The following KIF26B variants were observed in gnomAD, a reference collection of about 807,000 sequenced individuals.
KIF26B encodes the protein kinesin family member 26B.
KIF26B carries 63 observed loss-of-function variants against 151.2 expected under a neutral mutation model. The observed-to-expected ratio is 0.42, with a 90% confidence interval of 0.34 to 0.51. The LOEUF (loss-of-function observed/expected upper bound fraction) is 0.51. Ranked by LOEUF, KIF26B falls within the 20% of genes least tolerant of loss-of-function variation. KIF26B has a pLI of 0.07. For synonymous variants in KIF26B, 1,357 were observed against 1,262.1 expected (o/e 1.08, Z -1.59); for missense variants, 2,813 against 2,913.6 (o/e 0.97, Z 0.79).
intron 10 of KIF26B, among the ~76,000 whole-genome samples, chr1:245,679,855 C>T (rs12041330): frequency 0.47 from 71,333 of 151,888 alleles, 18,870 homozygotes; most frequent in Non-Finnish European, 0.59. Context: ...AAGAGCGGTG[C>T]GGTCCTTCCT....
At chr1:245,484,730 C>T (rs1572086025) in intron 4 of KIF26B, among the ~76,000 whole-genome samples, 1 of 148,298 alleles carries the variant, frequency 6.7e-6, no homozygotes. Context: ...CTTTCCTCCT[C>T]CTCCTTCTCC....
chr1:245,248,771 A>T (rs781410071), intron 2 of KIF26B, among the ~76,000 whole-genome samples: 7 of 152,206 alleles, frequency 4.6e-5, no homozygotes, highest in Admixed American at 4.6e-4. Context: ...ATGTTTGCCA[A>T]TATCTCTGAC....
At chr1:245,543,951 AAAAAAGAAAAAG>A (rs932605886) in intron 5 of KIF26B, among the ~76,000 whole-genome samples, 1 of 152,098 alleles carries the variant, frequency 6.6e-6, no homozygotes, top group Non-Finnish European at 1.5e-5. Context: ...CCATCTCAAT[AAAAAAGAAAAAG>A]AAAAAGAAAA....
intron 5 of KIF26B, among the ~76,000 whole-genome samples, chr1:245,595,845 A>T (rs1249314122): frequency 6.6e-6 from 1 of 151,998 alleles, no homozygotes; most frequent in African/African-American, 2.4e-5. Context: ...TCAGAACTAG[A>T]TATTGATCTA....
At chr1:245,682,022 C>T (rs964340637) in intron 10 of KIF26B, among the ~76,000 whole-genome samples, 4 of 152,188 alleles carry the variant, frequency 2.6e-5, no homozygotes, top group Non-Finnish European at 4.4e-5. Flanking sequence ...GCGGGCGGAT[C>T]GCCTGAGGTC....
At chr1:245,586,909 A>G (rs1231407890) in intron 5 of KIF26B, among the ~76,000 whole-genome samples, 4 of 146,924 alleles carry the variant, frequency 2.7e-5, no homozygotes. Flanking sequence ...AAAAAAAAAA[A>G]CATCAAACAA....
chr1:245,624,722 A>G (rs2043704607), intron 9 of KIF26B, among the ~76,000 whole-genome samples: 1 of 152,124 alleles, frequency 6.6e-6, no homozygotes, highest in Non-Finnish European at 1.5e-5. Context: ...CTTTTGAAAA[A>G]CAAATACTTG....
At chr1:245,650,015 C>T (rs2043997525) in intron 10 of KIF26B, among the ~76,000 whole-genome samples, 1 of 151,756 alleles carries the variant, frequency 6.6e-6, no homozygotes, top group East Asian at 2.1e-4. Flanking sequence ...TTACACAGCA[C>T]AGGCACATTA....
intron 3 of KIF26B, among the ~76,000 whole-genome samples, chr1:245,410,441 T>TTCTC (rs143484603): frequency 2.0e-5 from 3 of 151,370 alleles, no homozygotes; most frequent in East Asian, 1.9e-4. Flanking sequence ...TGTTGTGGGA[T>TTCTC]TCTCTCTCTC....
intron 4 of KIF26B, among the ~76,000 whole-genome samples, chr1:245,524,446 G>A (rs1661193566): frequency 6.6e-6 from 1 of 152,134 alleles, no homozygotes; most frequent in African/African-American, 2.4e-5. Flanking sequence ...TGATTTGTCT[G>A]GAGATACCTA....
At chr1:245,499,244 GAT>G (rs1660571491) in intron 4 of KIF26B, among the ~76,000 whole-genome samples, 1 of 151,340 alleles carries the variant, frequency 6.6e-6, no homozygotes, top group Non-Finnish European at 1.5e-5. Flanking sequence ...GAATAATAGT[GAT>G]GTGTGTGTGT....
At chr1:245,209,424 A>G (rs1165279634) in intron 2 of KIF26B, among the ~76,000 whole-genome samples, 1 of 152,122 alleles carries the variant, frequency 6.6e-6, no homozygotes, top group African/African-American at 2.4e-5. Context: ...AAGAAAAAAA[A>G]TAAAAAAAGA....
At chr1:245,353,554 G>A (rs962566712) in intron 2 of KIF26B, 2 of 152,516 alleles carry the variant, frequency 1.3e-5, no homozygotes, top group African/African-American at 2.4e-5. Context: ...TTCATGAGGT[G>A]GGGGTCTAAG....
intron 4 of KIF26B, among the ~76,000 whole-genome samples, chr1:245,445,509 C>T (rs966090240): frequency 6.0e-4 from 91 of 152,220 alleles, no homozygotes; most frequent in African/African-American, 1.9e-3. Context: ...CATGCATGTG[C>T]GCACGTGGGG....
At chr1:245,314,991 AC>A (rs1671738343) in intron 2 of KIF26B, among the ~76,000 whole-genome samples, 1 of 151,046 alleles carries the variant, frequency 6.6e-6, no homozygotes, top group Non-Finnish European at 1.5e-5. Flanking sequence ...GACCGGCCTG[AC>A]CAACATGGAG....
chr1:245,491,106 G>T (rs1342005684), intron 4 of KIF26B, among the ~76,000 whole-genome samples: 1 of 151,996 alleles, frequency 6.6e-6, no homozygotes, highest in East Asian at 1.9e-4. Context: ...TGTCCCATGA[G>T]AAATCACTGA....
At chr1:245,301,122 C>G (rs981848284) in intron 2 of KIF26B, among the ~76,000 whole-genome samples, 4 of 152,168 alleles carry the variant, frequency 2.6e-5, no homozygotes, top group Non-Finnish European at 5.9e-5. Flanking sequence ...TGAGCCACCA[C>G]GCTCGGCCGA....
intron 3 of KIF26B, among the ~76,000 whole-genome samples, chr1:245,370,964 G>T (rs538852185): frequency 6.6e-6 from 1 of 152,332 alleles, no homozygotes; most frequent in Admixed American, 6.5e-5. Flanking sequence ...CAGAAGGCAG[G>T]TGAGTGCAGA....
intron 3 of KIF26B, among the ~76,000 whole-genome samples, chr1:245,416,292 A>AAAAAAG (rs1553272389): frequency 8.3e-4 from 119 of 142,942 alleles, no homozygotes; most frequent in East Asian, 3.6e-3. Flanking sequence ...AAAAAAAAAA[A>AAAAAAG]AAAAAAAGAA....
Sources: gnomAD v4.1 joint callset for allele counts (sites outside exome capture counted in the v4.1 genomes callset) on GRCh38, gnomAD v4.1.1 for gene constraint, MANE v1.5 for transcripts, NCBI Gene and HGNC (gene_info 2026-07-23, HGNC 2026-07-21) for gene names.